UBR2: variants seen among roughly 807,000 people sequenced by gnomAD.
UBR2 encodes the protein ubiquitin protein ligase E3 component n-recognin 2.
A neutral mutation model predicts 247.9 loss-of-function variants in UBR2; 92 were observed. That is an observed-to-expected ratio of 0.37 (90% CI 0.31 to 0.44). The LOEUF (loss-of-function observed/expected upper bound fraction) is 0.44. Ranked by LOEUF, UBR2 falls within the 20% of genes least tolerant of loss-of-function variation. The probability of loss-of-function intolerance (pLI) is 1.00; values close to 1 mark genes in which losing one functional copy is unlikely to be tolerated. For missense variants in UBR2, 1,613 were observed against 2,112.6 expected (o/e 0.76, Z 4.64); for synonymous variants, 672 against 693.5 (o/e 0.97, Z 0.49).
rs377319641 is a variant in UBR2 at position 42,652,696 on chromosome 6, C to A, written c.2769+51C>A. The A allele has an allele frequency of 6.4e-5, 96 of 1,503,774 alleles. No homozygotes were observed. In the African/African-American group the frequency reaches 1.1e-3, roughly 17 times the overall value. The allele number at this position is 1,503,774 out of a possible 1,614,324, so 93.2% of individuals were successfully genotyped here. ...ATATTTTAGTATTTTATAGTACAAG[C>A]AAAATATTCTTGTCTGTATCTATAC... On this transcript the variant is annotated intron_variant, in intron 25 of 46. Coordinates refer to ENST00000372901, the MANE Select transcript of UBR2 (RefSeq NM_001363705.2).
At chr6:42,614,346 ATGTATGTGTGTATATATGTG>A (rs1179301766) in intron 8 of UBR2, among the ~76,000 whole-genome samples, 5 of 61,988 alleles carry the variant, frequency 8.1e-5, no homozygotes, top group Non-Finnish European at 1.6e-4. Context: ...GTATGTGTGT[ATGTATGTGTGTATATATGTG>A]TGTATGTGTG....
intron 8 of UBR2, among the ~76,000 whole-genome samples, chr6:42,612,760 T>C (rs1794175293): frequency 6.6e-6 from 1 of 152,198 alleles, no homozygotes; most frequent in Non-Finnish European, 1.5e-5. Flanking sequence ...TACCAATAAT[T>C]TGCAACACTG....
At chr6:42,572,193 C>T (rs1791193761) in intron 1 of UBR2, among the ~76,000 whole-genome samples, 1 of 152,048 alleles carries the variant, frequency 6.6e-6, no homozygotes, top group South Asian at 2.1e-4. Context: ...AGTTTAGTTT[C>T]ACTTTAAGCA....
At chr6:42,581,622 C>T (rs1198251745) in intron 2 of UBR2, among the ~76,000 whole-genome samples, 1 of 152,204 alleles carries the variant, frequency 6.6e-6, no homozygotes, top group East Asian at 1.9e-4. Context: ...CTACTGCGCC[C>T]ACCCTGGTTC....
chr6:42,602,482 A>G (rs6921708), intron 4 of UBR2, among the ~76,000 whole-genome samples: 21,891 of 151,820 alleles, frequency 0.14, 1,877 homozygotes, highest in African/African-American at 0.23. Flanking sequence ...GATTACAGGC[A>G]TGAGCCACTG....
intron 36 of UBR2, among the ~76,000 whole-genome samples, chr6:42,671,185 C>CAA (rs67809948): frequency 8.9e-5 from 9 of 100,882 alleles, no homozygotes; most frequent in Non-Finnish European, 1.2e-4. Context: ...AACTCCATCT[C>CAA]AAAAAAAAAA....
At position 42,683,154 on chromosome 6, in the gene UBR2, G is replaced by A. The variant is rs757559979; in HGVS notation, c.4775+43G>A. 4.6e-6 allele frequency: 7 copies of A among 1,536,020 alleles called. No homozygotes were observed. The Admixed American group carries it at 1.0e-4, about 23-fold the overall frequency. ...AAAAACTTTATTGAGGTGGGAGAAA[G>A]GGTGGAATCAGGATATAAGTGCTAT... On this transcript the variant is annotated intron_variant, in intron 43 of 46. Transcript: ENST00000372901.
At chr6:42,571,701 C>G (rs1466831618) in intron 1 of UBR2, among the ~76,000 whole-genome samples, 2 of 143,636 alleles carry the variant, frequency 1.4e-5, no homozygotes, top group Non-Finnish European at 3.0e-5. Context: ...CGAGATCGTA[C>G]CACTGCACTC....
At chr6:42,635,649 T>TAA in intron 14 of UBR2, 103 bp downstream of exon 14, 1 of 1,360,204 alleles carries the variant, frequency 7.4e-7, no homozygotes. Flanking sequence ...ATAGTGGTGA[T>TAA]ACTTAGTTCA....
chr6:42,635,395 A>G (rs759042748), intron 13 of UBR2, 23 bp from the exon 14 acceptor site: 9 of 1,609,016 alleles, frequency 5.6e-6, no homozygotes, highest in Non-Finnish European at 7.6e-6. Context: ...TCATTCATAT[A>G]TAATTTTTTC....
chr6:42,669,809 A>T (rs193129084), intron 34 of UBR2, among the ~76,000 whole-genome samples: 1 of 152,252 alleles, frequency 6.6e-6, no homozygotes, highest in Admixed American at 6.5e-5. Context: ...TACATTGCTG[A>T]TGTTCTCAGG....
chr6:42,647,189 A>G (rs1796815995), intron 21 of UBR2, among the ~76,000 whole-genome samples: 1 of 152,184 alleles, frequency 6.6e-6, no homozygotes, highest in Non-Finnish European at 1.5e-5. Context: ...TACTGCTTTA[A>G]TGCAGGAAGT....
intron 4 of UBR2, among the ~76,000 whole-genome samples, chr6:42,600,179 A>G (rs1358160889): frequency 6.6e-6 from 1 of 152,198 alleles, no homozygotes; most frequent in African/African-American, 2.4e-5. Flanking sequence ...CAAATATTAC[A>G]GGAGTATACT....
chr6:42,642,772 A>G (rs1253539331), intron 18 of UBR2, among the ~76,000 whole-genome samples: 4 of 152,142 alleles, frequency 2.6e-5, no homozygotes, highest in Non-Finnish European at 4.4e-5. Flanking sequence ...CCTAGTTGCT[A>G]AAGTCATATA....
chr6:42,678,126 G>A (rs1798821019), intron 40 of UBR2, among the ~76,000 whole-genome samples: 1 of 152,180 alleles, frequency 6.6e-6, no homozygotes, highest in African/African-American at 2.4e-5. Flanking sequence ...CACAAGATCA[G>A]GAGATCGAGA....
chr6:42,675,950 C>CT (rs922102961), intron 38 of UBR2, 106 bp from the exon 39 acceptor site: 291 of 1,462,512 alleles, frequency 2.0e-4, no homozygotes, highest in Non-Finnish European at 2.5e-4. Context: ...GAGTAAGACT[C>CT]TGTCTCAAAA....
chr6:42,622,405 G>GTTTTTTTTTTT (rs112798050), intron 11 of UBR2, among the ~76,000 whole-genome samples: 22 of 138,782 alleles, frequency 1.6e-4, no homozygotes, highest in African/African-American at 6.0e-4. Flanking sequence ...TTTTTGGTGG[G>GTTTTTTTTTTT]TTTTTTTTTT....
At chr6:42,662,412 A>G (rs1797869118) in intron 31 of UBR2, 135 bp downstream of exon 31, 1 of 590,506 alleles carries the variant, frequency 1.7e-6, no homozygotes, top group African/African-American at 1.9e-5. Flanking sequence ...TGCCTAATAA[A>G]TAACAAAAGT....
In UBR2 at chr6:42,659,520, T is replaced by TACAC. The variant is rs59248267; in HGVS notation, c.3243-97_3243-94dup. Reference sequence around the variant, plus strand: ...GTCTCAAAAAATAAATAAATATATATACACACACACACACACACACACACA... The same window carrying TACAC: ...GTCTCAAAAAATAAATAAATATATATACACACACACACACACACACACACACACA... On this transcript the variant is annotated intron_variant, in intron 29 of 46. Coordinates refer to ENST00000372901, the MANE Select transcript of UBR2 (RefSeq NM_001363705.2). The surrounding 1 kb of genome is among the most constrained non-coding windows in gnomAD (Gnocchi z 4.3). 425 of 503,014 alleles carry TACAC rather than the reference T, an allele frequency of 8.4e-4. 1 individual carries two copies. The highest frequency in any genetic ancestry group is 1.5e-3 in the South Asian group (56 of 37,466). The allele number at this position is 503,014 out of a possible 1,614,324, so 31.2% of individuals were successfully genotyped here.
Sources: allele counts gnomAD v4.1 joint callset (sites outside exome capture counted in the v4.1 genomes callset), GRCh38; gene constraint gnomAD v4.1.1; non-coding constraint Gnocchi (gnomAD v3.1); transcripts MANE v1.5; gene names NCBI Gene and HGNC (gene_info 2026-07-23, HGNC 2026-07-21).